The following CA10 variants were observed in gnomAD, a reference collection of about 807,000 sequenced individuals.
CA10 encodes the protein carbonic anhydrase-related protein 10.
A neutral mutation model predicts 44.2 loss-of-function variants in CA10; 14 were observed. That is an observed-to-expected ratio of 0.32 (90% CI 0.21 to 0.50). The LOEUF is 0.50. Ranked by LOEUF, CA10 falls within the 20% of genes least tolerant of loss-of-function variation. The pLI, the probability that CA10 is intolerant of heterozygous loss-of-function variation, is 0.99. For synonymous variants in CA10, 159 were observed against 141.6 expected, an observed-to-expected ratio of 1.12 and a Z score of -0.87; for missense variants, 350 against 409.7, an observed-to-expected ratio of 0.85 and a Z score of 1.26.
intron 4 of CA10, among the ~76,000 whole-genome samples, chr17:51,712,070 C>G (rs1021452896): frequency 6.6e-6 from 1 of 152,150 alleles, no homozygotes; most frequent in Admixed American, 6.5e-5. Context: ...ATAAACAAGC[C>G]TATTCTAAAG....
intron 3 of CA10, 57 bp from the exon 4 acceptor site, chr17:51,747,875 A>C: frequency 7.4e-7 from 1 of 1,343,374 alleles, no homozygotes; most frequent in Non-Finnish European, 1.0e-6. Flanking sequence ...TGCCTCCCCA[A>C]ACCCAGCATG....
intron 2 of CA10, among the ~76,000 whole-genome samples, chr17:51,991,024 G>A (rs1253431302): frequency 6.6e-6 from 1 of 152,102 alleles, no homozygotes; most frequent in African/African-American, 2.4e-5. Context: ...GTGCCCTCGG[G>A]CAAGTTACTC....
At chr17:52,013,304 A>T (rs959380517) in intron 2 of CA10, among the ~76,000 whole-genome samples, 1 of 152,006 alleles carries the variant, frequency 6.6e-6, no homozygotes, top group African/African-American at 2.4e-5. Context: ...CTTGAAAAAG[A>T]CAACATATTT....
intron 3 of CA10, among the ~76,000 whole-genome samples, chr17:51,881,327 C>T (rs1379810137): frequency 1.3e-5 from 2 of 150,372 alleles, no homozygotes; most frequent in East Asian, 3.9e-4. Flanking sequence ...TATAAAAAAC[C>T]ATAATGATTA....
intron 3 of CA10, among the ~76,000 whole-genome samples, chr17:51,751,507 G>T (rs1198063215): frequency 6.6e-6 from 1 of 152,168 alleles, no homozygotes; most frequent in East Asian, 1.9e-4. Context: ...ATATGTGATG[G>T]TCACACGTGT....
At chr17:51,733,617 ATGCCCCTGAGGTTTTAAAAGCAAAGCT>A (rs1311054309) in intron 4 of CA10, among the ~76,000 whole-genome samples, 1 of 152,212 alleles carries the variant, frequency 6.6e-6, no homozygotes, top group Non-Finnish European at 1.5e-5. Context: ...GAGTGTTTGG[ATGCCCCTGAGGTTTTAAAAGCAAAGCT>A]TGCAACTGCT....
At chr17:52,018,058 G>A (rs1387099526) in intron 2 of CA10, among the ~76,000 whole-genome samples, 1 of 152,122 alleles carries the variant, frequency 6.6e-6, no homozygotes, top group African/African-American at 2.4e-5. Context: ...AGTGAAGGAG[G>A]CTTGGCAGCT....
At chr17:51,662,336 AC>A (rs1462647842) in intron 4 of CA10, among the ~76,000 whole-genome samples, 1 of 152,318 alleles carries the variant, frequency 6.6e-6, no homozygotes, top group East Asian at 1.9e-4. Flanking sequence ...AAAACAGCTC[AC>A]CCATATTACC....
intron 4 of CA10, among the ~76,000 whole-genome samples, chr17:51,681,944 GT>G (rs1230328795): frequency 6.6e-6 from 1 of 152,110 alleles, no homozygotes; most frequent in Non-Finnish European, 1.5e-5. Flanking sequence ...ATCTGTGGCT[GT>G]TTGGGGTGAA....
intron 1 of CA10, among the ~76,000 whole-genome samples, chr17:52,121,001 G>A (rs990146213): frequency 6.6e-6 from 1 of 152,188 alleles, no homozygotes; most frequent in Non-Finnish European, 1.5e-5. Context: ...TGGTAGGACT[G>A]CTCAAATGAT....
intron 3 of CA10, among the ~76,000 whole-genome samples, chr17:51,921,472 T>C: frequency 6.6e-6 from 1 of 152,228 alleles, no homozygotes; most frequent in East Asian, 1.9e-4. Context: ...TTAAAATATT[T>C]TCCTTTCCAA....
chr17:51,863,745 G>T (rs1979419922), intron 3 of CA10, among the ~76,000 whole-genome samples: 1 of 152,102 alleles, frequency 6.6e-6, no homozygotes, highest in Non-Finnish European at 1.5e-5. Context: ...TACAAACAGG[G>T]ACCAACCAAA....
At chr17:51,801,250 G>T (rs1488261753) in intron 3 of CA10, among the ~76,000 whole-genome samples, 2 of 152,132 alleles carry the variant, frequency 1.3e-5, no homozygotes, top group African/African-American at 4.8e-5. Flanking sequence ...TTTGGGTGAG[G>T]AGTAGTCAGA....
intron 4 of CA10, among the ~76,000 whole-genome samples, chr17:51,668,484 G>A (rs1480740623): frequency 1.3e-5 from 2 of 152,182 alleles, no homozygotes; most frequent in South Asian, 2.1e-4. Flanking sequence ...AAAGTCACTC[G>A]GTTGTTTATC....
chr17:51,657,100 A>T (rs1345613572), intron 4 of CA10, among the ~76,000 whole-genome samples: 1 of 152,182 alleles, frequency 6.6e-6, no homozygotes, highest in Admixed American at 6.5e-5. Context: ...TAAGGCAGAG[A>T]TGTGCTCTAT....
At chr17:52,012,435 T>C (rs1298615496) in intron 2 of CA10, among the ~76,000 whole-genome samples, 1 of 151,994 alleles carries the variant, frequency 6.6e-6, no homozygotes, top group Admixed American at 6.6e-5. Flanking sequence ...TCCTATTATT[T>C]GAAATGGTAG....
chr17:51,929,520 CA>C (rs1315000669), intron 3 of CA10, among the ~76,000 whole-genome samples: 3 of 152,126 alleles, frequency 2.0e-5, no homozygotes, highest in Non-Finnish European at 2.9e-5. Flanking sequence ...ACTCAGGCAC[CA>C]AACCCCATTC....
chr17:52,112,252 A>G (rs1420252527), intron 1 of CA10, among the ~76,000 whole-genome samples: 3 of 152,194 alleles, frequency 2.0e-5, no homozygotes, highest in Non-Finnish European at 2.9e-5. Flanking sequence ...CACATGTATT[A>G]ATACATCCAC....
chr17:51,635,896 A>G lies in CA10; in HGVS notation c.748T>C (p.Trp250Arg). 6.2e-7 allele frequency: 1 copy of G among 1,609,270 alleles called. No individual in the cohort carries two copies. Among genetic ancestry groups the G allele is most frequent in the Non-Finnish European group, 8.5e-7 (1 of 1,176,934 alleles). ...TAGACAGGTTTGTTCATTATGATCC[A>G]ACTTGCTGTCTCATAGCAGGGTGGG... The part of the protein sequence containing the change: ...TIPPCYETAS[W>R]IIMNKPVYIT... The change falls in exon 7 of 9, where the codon TGG becomes CGG. Residue 250 changes from tryptophan to arginine, a missense_variant. Physicochemically the swap from Trp to Arg is moderately radical, Grantham distance 101. Coordinates refer to ENST00000451037, the MANE Select transcript of CA10 (RefSeq NM_020178.5).
Sources: gnomAD v4.1 joint callset for allele counts (sites outside exome capture counted in the v4.1 genomes callset) on GRCh38, gnomAD v4.1.1 for gene constraint, MANE v1.5 for transcripts, NCBI Gene and HGNC (gene_info 2026-07-23, HGNC 2026-07-21) for gene names.